FYB2: variants seen among roughly 807,000 people sequenced by gnomAD.
FYB2 encodes FYN binding protein 2.
FYB2 carries 103 observed loss-of-function variants against 94.1 expected under a neutral mutation model. That is an observed-to-expected ratio of 1.09 (90% CI 0.93 to 1.29). The LOEUF (loss-of-function observed/expected upper bound fraction) is 1.29. Ranked by LOEUF, FYB2 falls within the 50% of genes most tolerant of loss-of-function variation. FYB2 has a pLI of 0.00. For synonymous variants in FYB2, 293 were observed against 287.9 expected, an observed-to-expected ratio of 1.02 and a Z score of -0.18; for missense variants, 896 against 841.5, an observed-to-expected ratio of 1.06 and a Z score of -0.80.
intron 1 of FYB2, among the ~76,000 whole-genome samples, chr1:56,796,145 C>A (rs1448463935): frequency 6.6e-6 from 1 of 152,192 alleles, no homozygotes; most frequent in Non-Finnish European, 1.5e-5. Context: ...CTAGCTCAGC[C>A]ATACATCAAA....
chr1:56,800,943 C>T (rs1029871239), intron 1 of FYB2, among the ~76,000 whole-genome samples: 12 of 152,114 alleles, frequency 7.9e-5, no homozygotes, highest in African/African-American at 2.7e-4. Context: ...ACTTGTCTTC[C>T]CCTAAAACAT....
At chr1:56,731,313 T>G (rs1436314144) in intron 15 of FYB2, among the ~76,000 whole-genome samples, 3 of 152,090 alleles carry the variant, frequency 2.0e-5, no homozygotes, top group Non-Finnish European at 2.9e-5. Context: ...CCCTTAGCCT[T>G]GATGTTATCA....
intron 4 of FYB2, among the ~76,000 whole-genome samples, chr1:56,773,854 A>G (rs1262534108): frequency 1.3e-5 from 2 of 152,140 alleles, no homozygotes; most frequent in Non-Finnish European, 2.9e-5. Flanking sequence ...GCTCTGTGTA[A>G]CATTCTACAG....
Position 56,789,095 on chromosome 1 carries a change from G to A in FYB2, c.797C>T (p.Thr266Ile), listed in dbSNP as rs746281086. ...GGAGTCGATGGAGGGCAATGGCTTT[G>A]TTTTGGGAAGGTGGTGATGCCTGAC... Reference protein sequence around the residue: ...PDVRHHHLPKTKPLPSIDSLG... With the variant: ...PDVRHHHLPKIKPLPSIDSLG... Residue 266 changes from threonine (T) to isoleucine (I), a missense_variant, in exon 3 of 20, where the codon ACA becomes ATA. By Grantham distance (89) the Thr-to-Ile change is moderately conservative (BLOSUM62 -1). Coordinates refer to ENST00000343433, the MANE Select transcript of FYB2 (RefSeq NM_001004303.5). The A allele has an allele frequency of 6.2e-7, 1 of 1,608,496 alleles. No homozygotes were observed. Among genetic ancestry groups the A allele is most frequent in the South Asian group, 1.1e-5 (1 of 90,136 alleles).
chr1:56,819,516 C>A (rs1342540066), upstream of FYB2: 10 of 617,754 alleles, frequency 1.6e-5, no homozygotes, highest in Non-Finnish European at 2.8e-5. Flanking sequence ...CTTAGACCAG[C>A]ACCTGCAGGG....
chr1:56,780,430 C>T (rs1645981708), intron 4 of FYB2, among the ~76,000 whole-genome samples: 1 of 152,024 alleles, frequency 6.6e-6, no homozygotes, highest in African/African-American at 2.4e-5. Context: ...TAAGCCTTGC[C>T]CTCTTTTGTT....
At chr1:56,794,978 T>C (rs1167331758) in intron 1 of FYB2, among the ~76,000 whole-genome samples, 1 of 151,824 alleles carries the variant, frequency 6.6e-6, no homozygotes, top group Non-Finnish European at 1.5e-5. Flanking sequence ...TATATTGTGG[T>C]AAAATACACA....
At chr1:56,773,516 T>TC (rs1409946045) in intron 4 of FYB2, among the ~76,000 whole-genome samples, 3 of 152,186 alleles carry the variant, frequency 2.0e-5, no homozygotes, top group African/African-American at 7.2e-5. Flanking sequence ...AGCCTTCATT[T>TC]CCTCATAGAG....
chr1:56,726,412 T>C, intron 16 of FYB2, 85 bp downstream of exon 16: 1 of 1,246,322 alleles, frequency 8.0e-7, no homozygotes, highest in South Asian at 1.4e-5. Context: ...GAATCAAATT[T>C]CATTACTTAT....
At chr1:56,784,047 C>T (rs1646074334) in intron 4 of FYB2, among the ~76,000 whole-genome samples, 1 of 152,150 alleles carries the variant, frequency 6.6e-6, no homozygotes, top group African/African-American at 2.4e-5. Context: ...ACAACATCAT[C>T]ATTTCACAAA....
At chr1:56,759,265 T>G (rs1645430249) in intron 5 of FYB2, among the ~76,000 whole-genome samples, 1 of 152,198 alleles carries the variant, frequency 6.6e-6, no homozygotes, top group Non-Finnish European at 1.5e-5. Context: ...AATGACATGA[T>G]GCCAATCTTA....
rs202200331 is a variant in FYB2 at position 56,744,175 on chromosome 1, A to G, written c.1479T>C (p.Asp493=). ...TSSISEEIYD[D]VEYSRKEVPK... is the part of the protein sequence containing the mutation. ...ACACCTCTTTCCTGGAGTACTCGAC[A>G]TCATCATATATCTCCTCCGAGATGG... Residue 493 remains aspartate (D), a synonymous_variant, in exon 10 of 20, where the codon GAT becomes GAC. Coordinates refer to ENST00000343433, the MANE Select transcript of FYB2 (RefSeq NM_001004303.5). 1.2e-5 allele frequency: 19 copies of G among 1,612,594 alleles called. No homozygotes were observed. In the East Asian group the frequency reaches 4.0e-4, roughly 34 times the overall value.
At position 56,719,501 on chromosome 1, in the gene FYB2, A is replaced by G. The variant is rs763844113; in HGVS notation, c.*170T>C. On this transcript the variant is annotated 3_prime_UTR_variant, in exon 20 of 20. Coordinates refer to ENST00000343433, the MANE Select transcript of FYB2 (RefSeq NM_001004303.5). ...CCTTTTAGGAGTAAAACCAACATCTAAATGTTGAGGATTTGTTTTTATTTT... is the reference window on the plus strand; with the variant it reads ...CCTTTTAGGAGTAAAACCAACATCTGAATGTTGAGGATTTGTTTTTATTTT... 2 of 581,856 alleles carry G rather than the reference A, an allele frequency of 3.4e-6. No homozygotes were observed. The highest frequency in any genetic ancestry group is 5.9e-6 in the Non-Finnish European group (2 of 339,664). The allele number at this position is 581,856 out of a possible 1,614,324, so 36.0% of individuals were successfully genotyped here. A position where few individuals can be genotyped will look rare whatever the true frequency, so the allele number is the denominator to read the frequency against.
At chr1:56,819,055 C>T (rs1362464902) in intron 1 of FYB2, among the ~76,000 whole-genome samples, 1 of 152,302 alleles carries the variant, frequency 6.6e-6, no homozygotes, top group African/African-American at 2.4e-5. Context: ...ACCTCCTGTC[C>T]CCTCACACTC....
intron 5 of FYB2, among the ~76,000 whole-genome samples, chr1:56,766,567 G>A (rs1645628102): frequency 6.6e-6 from 1 of 151,962 alleles, no homozygotes; most frequent in Non-Finnish European, 1.5e-5. Context: ...CCGAGTAGCT[G>A]GGACCACAGT....
chr1:56,797,027 T>C (rs1357263780), intron 1 of FYB2, among the ~76,000 whole-genome samples: 1 of 152,096 alleles, frequency 6.6e-6, no homozygotes, highest in Non-Finnish European at 1.5e-5. Context: ...ATTAAATATA[T>C]GGCACAAAGT....
chr1:56,750,990 C>A, intron 9 of FYB2, 54 bp downstream of exon 9: 1 of 1,564,096 alleles, frequency 6.4e-7, no homozygotes, highest in South Asian at 1.2e-5. Context: ...TGGCCATGCT[C>A]AGCTATAAAA....
At chr1:56,755,240 C>T (rs1466407743) in intron 7 of FYB2, among the ~76,000 whole-genome samples, 2 of 152,018 alleles carry the variant, frequency 1.3e-5, no homozygotes, top group African/African-American at 4.8e-5. Flanking sequence ...CAAGGAGCTC[C>T]CAGACAGGAA....
At chr1:56,733,209 T>C (rs1308265165) in intron 15 of FYB2, among the ~76,000 whole-genome samples, 5 of 151,854 alleles carry the variant, frequency 3.3e-5, no homozygotes, top group African/African-American at 1.2e-4. Flanking sequence ...TGACCAATAG[T>C]TTATTTGGGT....
Sources: allele counts gnomAD v4.1 joint callset (sites outside exome capture counted in the v4.1 genomes callset), GRCh38; gene constraint gnomAD v4.1.1; transcripts MANE v1.5; gene names NCBI Gene and HGNC (gene_info 2026-07-23, HGNC 2026-07-21).